Variants in CCNF observed in about 807,000 individuals in gnomAD.
The protein encoded by CCNF is cyclin-F.
In CCNF, 30 loss-of-function variants were observed where a neutral mutation model predicts 85.4. The ratio of observed to expected loss-of-function variants is 0.35; its 90% CI spans 0.26 to 0.48. The LOEUF is 0.48. Ranked by LOEUF, CCNF falls within the 20% of genes least tolerant of loss-of-function variation. CCNF has a pLI of 0.99. For synonymous variants in CCNF, 439 were observed against 425.1 expected (o/e 1.03, Z -0.40); for missense variants, 919 against 1,010.4 (o/e 0.91, Z 1.23).
At chr16:2,444,162 G>A (rs893314869) in intron 9 of CCNF, among the ~76,000 whole-genome samples, 43 of 151,978 alleles carry the variant, frequency 2.8e-4, no homozygotes, top group Admixed American at 2.8e-3. Flanking sequence ...CTCGTGATCC[G>A]CCCGCTTTGG....
At chr16:2,444,155 G>A (rs1415264965) in intron 9 of CCNF, among the ~76,000 whole-genome samples, 2 of 151,974 alleles carry the variant, frequency 1.3e-5, no homozygotes, top group African/African-American at 4.8e-5. Context: ...TCCTGACCTC[G>A]TGATCCGCCC....
Position 2,457,001 on chromosome 16 carries a change from T to C in CCNF, c.2342T>C (p.Leu781Pro). ...CIHSEEEDMNLGLVRL is the reference protein window; with the variant it reads ...CIHSEEEDMNPGLVRL ...CACAGTGAGGAGGAGGACATGAACC[T>C]GGGCCTTGTGAGGCTGTAAGTGTGT... The change falls in exon 17 of 17, where the codon CTG (leucine) becomes CCG (proline). Residue 781 changes from leucine to proline, a missense_variant. Physicochemically the swap from Leu to Pro is moderately conservative, Grantham distance 98. Around this residue, in one of 3 missense-constraint regions of CCNF, gnomAD observed 505 missense variants for 514.8 expected, o/e 0.98. Transcript: ENST00000397066. 3 of 1,589,432 alleles carry C rather than the reference T, an allele frequency of 1.9e-6. No homozygotes were observed. Among genetic ancestry groups the C allele is most frequent in the Non-Finnish European group, 2.6e-6 (3 of 1,166,244 alleles).
At chr16:2,446,444 C>T (rs899142047) in intron 10 of CCNF, among the ~76,000 whole-genome samples, 2 of 152,252 alleles carry the variant, frequency 1.3e-5, no homozygotes, top group Non-Finnish European at 2.9e-5. Context: ...CGTCCTTACA[C>T]GGCAGCCTGT....
Position 2,451,263 on chromosome 16 carries a change from G to A in CCNF, c.1487+1348G>A, listed in dbSNP as rs1396010663. Among the ~76,000 whole-genome samples the A allele has an allele frequency of 6.6e-6, 1 of 152,240 alleles. No individual in the cohort carries two copies. The highest frequency in any genetic ancestry group is 2.4e-5 in the African/African-American group (1 of 41,464). On this transcript the variant is annotated intron_variant, in intron 13 of 16. Coordinates refer to ENST00000397066, the MANE Select transcript of CCNF (RefSeq NM_001761.3). The surrounding 1 kb of genome is among the most constrained non-coding windows in gnomAD (Gnocchi z 4.3). ...GCGCGGGCGGGGGCGACTCCCTTCA[G>A]GGAGCGTAGCCGGGGTCACCTGGGC... is the stretch of plus-strand genomic sequence containing the variant.
chr16:2,441,345 G>A (rs1350990988), intron 8 of CCNF, among the ~76,000 whole-genome samples: 1 of 152,054 alleles, frequency 6.6e-6, no homozygotes, highest in Non-Finnish European at 1.5e-5. Flanking sequence ...GCAGAGAGCC[G>A]TGATCGCAAC....
chr16:2,453,503 T>C lies in CCNF; in HGVS notation c.1681T>C (p.Phe561Leu), dbSNP rs1176773420. 6.2e-7 allele frequency: 1 copy of C among 1,613,942 alleles called. No individual in the cohort carries two copies. Among genetic ancestry groups the C allele is most frequent in the African/African-American group, 1.3e-5 (1 of 74,922 alleles). The change falls in exon 15 of 17, where the codon TTC becomes CTC. Residue 561 changes from phenylalanine (F) to leucine (L), a missense_variant. By Grantham distance (22) the Phe-to-Leu change is conservative. Transcript: ENST00000397066. The surrounding 1 kb of genome is among the most constrained non-coding windows in gnomAD (Gnocchi z 5.6). Reference sequence around the variant, plus strand: ...CCTCAGCACAGGGGAGATCCACGCCTTCCTCAGCTCTCCCTCGGGGCGGAG... The same window carrying C: ...CCTCAGCACAGGGGAGATCCACGCCCTCCTCAGCTCTCCCTCGGGGCGGAG... ...TFLSTGEIHA[F>L]LSSPSGRRTK... is the part of the protein sequence containing the mutation.
intron 3 of CCNF, 118 bp from the exon 4 acceptor site, chr16:2,435,666 CATATATATATATATATATATAT>C (rs71148135): frequency 2.8e-4 from 12 of 42,698 alleles, no homozygotes; most frequent in South Asian, 6.1e-4. Context: ...CACACACACA[CATATATATATATATATATATAT>C]ATATATATAT....
intron 10 of CCNF, among the ~76,000 whole-genome samples, chr16:2,446,207 T>C (rs2141825078): frequency 6.6e-6 from 1 of 152,072 alleles, no homozygotes; most frequent in Middle Eastern, 3.4e-3. Flanking sequence ...ACCCAAAGTG[T>C]GGCCTCGCTC....
chr16:2,432,041 A>G (rs1163366127), intron 2 of CCNF, among the ~76,000 whole-genome samples: 2 of 152,094 alleles, frequency 1.3e-5, no homozygotes, highest in African/African-American at 2.4e-5. Context: ...TGTGTTAGCC[A>G]GGATGGTCTC....
intron 8 of CCNF, among the ~76,000 whole-genome samples, chr16:2,441,662 G>T (rs895020777): frequency 6.6e-6 from 1 of 151,578 alleles, no homozygotes; most frequent in Non-Finnish European, 1.5e-5. Context: ...GACTATAGGT[G>T]CCTGCCACCA....
chr16:2,429,579 A>G, intron 1 of CCNF, 82 bp downstream of exon 1: 5 of 1,182,946 alleles, frequency 4.2e-6, no homozygotes, highest in Non-Finnish European at 5.3e-6. Flanking sequence ...GTCCCGCGGG[A>G]GGGGAGGCCC....
At chr16:2,450,109 A>C (rs555221473) in intron 13 of CCNF, among the ~76,000 whole-genome samples, 194 bp downstream of exon 13, 1 of 152,210 alleles carries the variant, frequency 6.6e-6, no homozygotes, top group African/African-American at 2.4e-5. Context: ...CAGGAGGCTG[A>C]GGCAGGAGAA....
At chr16:2,430,888 T>G in intron 1 of CCNF, 3 of 675,096 alleles carry the variant, frequency 4.4e-6, no homozygotes, top group South Asian at 4.3e-5. Flanking sequence ...ACATGCGCTA[T>G]TTGCCATAAA....
At chr16:2,441,711 T>A (rs1177318167) in intron 8 of CCNF, among the ~76,000 whole-genome samples, 1 of 151,308 alleles carries the variant, frequency 6.6e-6, no homozygotes, top group Non-Finnish European at 1.5e-5. Flanking sequence ...GAGGTGGGGT[T>A]TCACCATGTT....
intron 7 of CCNF, 94 bp from the exon 8 acceptor site, chr16:2,439,655 G>T: frequency 9.3e-7 from 1 of 1,072,426 alleles, no homozygotes; most frequent in African/African-American, 1.6e-5. Context: ...GAGAAGAGGT[G>T]GGAAGTTAGC....
At position 2,445,524 on chromosome 16, in the gene CCNF, C is replaced by T. The variant is rs150848033; in HGVS notation, c.996C>T (p.His332=). The T allele has an allele frequency of 2.1e-4, 336 of 1,614,160 alleles. No individual in the cohort carries two copies. The African/African-American group carries it at 2.9e-3, about 14-fold the overall frequency. The change falls in exon 10 of 17, where the codon CAC becomes CAT. Residue 332 remains histidine (H), a synonymous_variant. Coordinates refer to ENST00000397066, the MANE Select transcript of CCNF (RefSeq NM_001761.3). ...TMKDFTSLCL[H]LTVECVDRYL... ...AGGACTTCACAAGCCTGTGCCTGCA[C>T]CTGACCGTGGAGTGTGTGGACCGGT...
At position 2,429,531 on chromosome 16, in the gene CCNF, C is replaced by T. The variant is rs2065252178; in HGVS notation, c.16+34C>T. On this transcript the variant is annotated intron_variant, in intron 1 of 16. Transcript: ENST00000397066. ...GGGGCGATGTCCGCTGGTTTCTGCC[C>T]CACACCCCTTCTGCCTGCCCTGCGG... is the stretch of plus-strand genomic sequence containing the variant. The T allele has an allele frequency of 4.9e-6, 6 of 1,229,248 alleles. No individual in the cohort carries two copies. The South Asian group carries it at 2.5e-4, about 50-fold the overall frequency. 76.1% of individuals were successfully genotyped at this position (1,229,248 alleles called of 1,614,324 possible).
chr16:2,455,556 A>G lies in CCNF; in HGVS notation c.1877A>G (p.Glu626Gly), dbSNP rs775130027. ...EGDQESEGEK[E>G]GDVTAPSGIL... ...GACCAGGAGAGTGAGGGCGAGAAGG[A>G]GGGCGACGGTGAGTGTGGGGCCAGG... The change falls in exon 16 of 17, where the codon GAG becomes GGG. Residue 626 changes from glutamate to glycine, a missense_variant. Transcript: ENST00000397066. 22 of 1,594,252 alleles carry G rather than the reference A, an allele frequency of 1.4e-5. No individual in the cohort carries two copies. Among genetic ancestry groups the G allele is most frequent in the Non-Finnish European group, 1.9e-5 (22 of 1,164,194 alleles).
intron 15 of CCNF, among the ~76,000 whole-genome samples, chr16:2,454,333 C>A (rs2065412402): frequency 6.6e-6 from 1 of 152,232 alleles, no homozygotes; most frequent in East Asian, 1.9e-4. Context: ...AGGCAGGAGA[C>A]CTGACCCTCC....
Sources: allele counts gnomAD v4.1 joint callset (sites outside exome capture counted in the v4.1 genomes callset), GRCh38; gene constraint gnomAD v4.1.1; regional missense constraint gnomAD v4.1.1; non-coding constraint Gnocchi (gnomAD v3.1); transcripts MANE v1.5; gene names NCBI Gene and HGNC (gene_info 2026-07-23, HGNC 2026-07-21).